The following CNTN5 variants were observed in gnomAD, a reference collection of about 807,000 sequenced individuals.
CNTN5 encodes the protein contactin-5.
Under a neutral mutation model 129.1 loss-of-function variants are expected in CNTN5, and 77 were observed. The observed-to-expected ratio is 0.60, with a 90% confidence interval of 0.50 to 0.72. The LOEUF (loss-of-function observed/expected upper bound fraction) is 0.72, where lower values mean the gene tolerates loss of function less well. CNTN5 is among the 30% of genes least tolerant of loss of function. The pLI is 0.00. For synonymous variants in CNTN5, 509 were observed against 465.6 expected (o/e 1.09, Z -1.20); for missense variants, 1,478 against 1,328.8 (o/e 1.11, Z -1.75).
chr11:100,238,656 C>T (rs929552651), intron 16 of CNTN5, among the ~76,000 whole-genome samples: 1 of 152,106 alleles, frequency 6.6e-6, no homozygotes, highest in Non-Finnish European at 1.5e-5. Flanking sequence ...AATGAGGTTA[C>T]AAACAGTAAA....
At chr11:100,038,078 C>A (rs935449568) in intron 9 of CNTN5, among the ~76,000 whole-genome samples, 1 of 152,022 alleles carries the variant, frequency 6.6e-6, no homozygotes, top group Admixed American at 6.6e-5. Flanking sequence ...AATTTTAGAT[C>A]TTTCCTGCTT....
chr11:99,366,079 T>C (rs571503314), intron 2 of CNTN5, among the ~76,000 whole-genome samples: 1 of 152,176 alleles, frequency 6.6e-6, no homozygotes, highest in East Asian at 1.9e-4. Context: ...CTAACAGATC[T>C]TCCTTGTAAA....
At chr11:99,894,342 G>C (rs11221800) in intron 6 of CNTN5, among the ~76,000 whole-genome samples, 8,321 of 151,738 alleles carry the variant, frequency 0.055, 528 homozygotes, top group East Asian at 0.28. Flanking sequence ...AAAGACACCA[G>C]AGTCCTAAAT....
intron 9 of CNTN5, among the ~76,000 whole-genome samples, chr11:100,039,641 C>T (rs973269749): frequency 2.0e-5 from 3 of 152,140 alleles, no homozygotes; most frequent in Non-Finnish European, 4.4e-5. Flanking sequence ...CACATAGTCC[C>T]ATATTTCTTG....
chr11:99,403,280 A>G (rs776892004), intron 2 of CNTN5, among the ~76,000 whole-genome samples: 1 of 152,248 alleles, frequency 6.6e-6, no homozygotes, highest in Admixed American at 6.5e-5. Flanking sequence ...GATTACAGGC[A>G]TAAGCCACCA....
At chr11:99,773,123 C>T (rs532500365) in intron 3 of CNTN5, among the ~76,000 whole-genome samples, 1 of 152,148 alleles carries the variant, frequency 6.6e-6, no homozygotes, top group East Asian at 1.9e-4. Context: ...CTTCTGCAAG[C>T]CACTGCCCCC....
intron 3 of CNTN5, among the ~76,000 whole-genome samples, chr11:99,620,175 GTATT>G (rs1352676004): frequency 6.6e-6 from 1 of 152,100 alleles, no homozygotes; most frequent in Admixed American, 6.5e-5. Flanking sequence ...GAGACGAAAA[GTATT>G]TGGCTGCAGA....
At chr11:99,277,409 A>G (rs905854123) in intron 1 of CNTN5, among the ~76,000 whole-genome samples, 1 of 151,562 alleles carries the variant, frequency 6.6e-6, no homozygotes, top group South Asian at 2.1e-4. Context: ...TTGGCAACTC[A>G]TGCACTCACA....
intron 13 of CNTN5, among the ~76,000 whole-genome samples, chr11:100,175,021 C>T (rs528607131): frequency 1.3e-5 from 2 of 152,150 alleles, no homozygotes; most frequent in African/African-American, 4.8e-5. Flanking sequence ...TTACTGATCA[C>T]GTTAAAGAGT....
At chr11:100,136,592 A>T (rs530402112) in intron 13 of CNTN5, among the ~76,000 whole-genome samples, 1 of 152,024 alleles carries the variant, frequency 6.6e-6, no homozygotes, top group Admixed American at 6.6e-5. Context: ...ATACAAAAAA[A>T]ATCATATGAA....
intron 1 of CNTN5, among the ~76,000 whole-genome samples, chr11:99,026,411 A>C (rs1863107419): frequency 6.6e-6 from 1 of 151,616 alleles, no homozygotes; most frequent in Admixed American, 6.6e-5. Context: ...ATTTTCAATG[A>C]TAAGAATTTC....
chr11:99,755,454 A>G (rs1344853844), intron 3 of CNTN5, among the ~76,000 whole-genome samples: 1 of 151,982 alleles, frequency 6.6e-6, no homozygotes, highest in Non-Finnish European at 1.5e-5. Flanking sequence ...TTGTTGTTTT[A>G]CTTTGTAATT....
rs75275676 is a variant in CNTN5 at position 99,351,807 on chromosome 11, C to T, written c.-71+26323C>T. On this transcript the variant is annotated intron_variant, in intron 2 of 24. Transcript: ENST00000524871. ...AAAGATTACAACCATCTTTTTTGTT[C>T]TCCTGCCAAGTAGACTAGGCATCTG... is the stretch of plus-strand genomic sequence containing the variant. 9.8e-3 allele frequency among the ~76,000 whole-genome samples: 1,485 copies of T among 152,220 alleles called. 19 individuals are homozygous for T. The highest frequency in any genetic ancestry group is 0.014 in the Non-Finnish European group (923 of 68,002).
intron 1 of CNTN5, among the ~76,000 whole-genome samples, chr11:99,136,775 A>G (rs1179054963): frequency 3.4e-5 from 1 of 29,666 alleles, no homozygotes; most frequent in Non-Finnish European, 6.0e-5. Context: ...GCATAAAAGG[A>G]CATGGGTTGT....
intron 3 of CNTN5, among the ~76,000 whole-genome samples, chr11:99,663,028 A>C (rs554723155): frequency 2.3e-4 from 35 of 152,358 alleles, no homozygotes; most frequent in African/African-American, 5.3e-4. Context: ...TTATGTAAGA[A>C]ACTCATTAGT....
intron 1 of CNTN5, among the ~76,000 whole-genome samples, chr11:99,042,024 A>G (rs1864002907): frequency 6.6e-6 from 1 of 152,234 alleles, no homozygotes; most frequent in Middle Eastern, 3.4e-3. Context: ...TGTCGAGAAT[A>G]TCATTTCTCT....
intron 6 of CNTN5, among the ~76,000 whole-genome samples, chr11:99,859,738 C>G (rs1207861201): frequency 6.6e-6 from 1 of 152,038 alleles, no homozygotes; most frequent in African/African-American, 2.4e-5. Flanking sequence ...ATTTCTTTAT[C>G]CACTCCACTG....
At chr11:99,286,062 A>G (rs1354035513) in intron 1 of CNTN5, among the ~76,000 whole-genome samples, 1 of 147,540 alleles carries the variant, frequency 6.8e-6, no homozygotes. Flanking sequence ...AAAAAAAAGC[A>G]GAGAAAATTG....
intron 3 of CNTN5, among the ~76,000 whole-genome samples, chr11:99,580,348 A>G (rs989049021): frequency 6.6e-6 from 1 of 152,178 alleles, no homozygotes; most frequent in Non-Finnish European, 1.5e-5. Flanking sequence ...GCCTCATAAA[A>G]TGAGTTAGGG....
Sources: gnomAD v4.1 joint callset for allele counts (sites outside exome capture counted in the v4.1 genomes callset) on GRCh38, gnomAD v4.1.1 for gene constraint, MANE v1.5 for transcripts, NCBI Gene and HGNC (gene_info 2026-07-23, HGNC 2026-07-21) for gene names.